The following CWC27 variants were observed in gnomAD, a reference collection of about 807,000 sequenced individuals.
CWC27 encodes CWC27 spliceosome associated cyclophilin, also known as spliceosome-associated protein CWC27 homolog.
A neutral mutation model predicts 63.6 loss-of-function variants in CWC27; 47 were observed. The ratio of observed to expected loss-of-function variants is 0.74; its 90% CI spans 0.58 to 0.94. CWC27 has a LOEUF of 0.94. CWC27 is among the 40% of genes least tolerant of loss of function. CWC27 has a pLI of 0.00. For synonymous variants in CWC27, 175 were observed against 179.8 expected (o/e 0.97, Z 0.22); for missense variants, 495 against 554.3 (o/e 0.89, Z 1.07).
chr5:65,005,657 A>G (rs2112469856), intron 13 of CWC27, among the ~76,000 whole-genome samples: 1 of 152,296 alleles, frequency 6.6e-6, no homozygotes, highest in African/African-American at 2.4e-5. Flanking sequence ...TGGACAACAC[A>G]CACTAGCACT....
chr5:64,900,290 T>G (rs189441637), intron 11 of CWC27, among the ~76,000 whole-genome samples: 13 of 152,352 alleles, frequency 8.5e-5, no homozygotes, highest in Admixed American at 8.5e-4. Context: ...TTTGTGGTTT[T>G]GATTTACATT....
intron 11 of CWC27, among the ~76,000 whole-genome samples, chr5:64,915,106 T>C (rs1022539917): frequency 7.2e-5 from 11 of 152,198 alleles, no homozygotes; most frequent in African/African-American, 2.7e-4. Flanking sequence ...TTAGTATTAC[T>C]AGGCACATAT....
At chr5:64,868,059 T>C (rs1177359857) in intron 10 of CWC27, among the ~76,000 whole-genome samples, 1 of 151,974 alleles carries the variant, frequency 6.6e-6, no homozygotes, top group African/African-American at 2.4e-5. Flanking sequence ...TCTGAATAAA[T>C]GTAAAATCAG....
chr5:64,788,387 GT>G (rs1743956845), intron 6 of CWC27, among the ~76,000 whole-genome samples: 1 of 151,500 alleles, frequency 6.6e-6, no homozygotes, highest in African/African-American at 2.4e-5. Context: ...TTAGTAACTT[GT>G]TTATCTTACT....
chr5:64,859,951 A>G (rs1265514415), intron 10 of CWC27, among the ~76,000 whole-genome samples: 1 of 152,212 alleles, frequency 6.6e-6, no homozygotes, highest in East Asian at 1.9e-4. Context: ...ATATAACAAT[A>G]GTAACAAGTG....
chr5:64,960,337 T>C (rs1748884275), intron 11 of CWC27, among the ~76,000 whole-genome samples: 2 of 152,190 alleles, frequency 1.3e-5, no homozygotes, highest in Admixed American at 6.5e-5. Context: ...ATTTAACCTT[T>C]TCCTGCTTTC....
chr5:64,885,398 A>C, intron 10 of CWC27, 45 bp from the exon 11 acceptor site: 5 of 1,284,360 alleles, frequency 3.9e-6, no homozygotes, highest in Non-Finnish European at 5.4e-6. Flanking sequence ...AACAACTTTT[A>C]CTCTCAATAT....
intron 11 of CWC27, among the ~76,000 whole-genome samples, chr5:64,955,704 G>A (rs1480989781): frequency 1.3e-5 from 2 of 151,932 alleles, no homozygotes; most frequent in African/African-American, 4.8e-5. Context: ...AATCTGGTCT[G>A]GTTGGTCTAG....
chr5:64,804,237 A>T lies in CWC27; in HGVS notation c.789A>T (p.Glu263Asp), dbSNP rs563411865. 7 of 1,604,358 alleles carry T rather than the reference A, an allele frequency of 4.4e-6. No homozygotes were observed. Among genetic ancestry groups the T allele is most frequent in the Non-Finnish European group, 6.0e-6 (7 of 1,175,110 alleles). ...ATTTTCCATTTCTACAGGATGGAGA[A>T]GATGAAAGTGCAGAGCATGATGAAT... is the stretch of plus-strand genomic sequence containing the variant. ...GDAPDLVDDG[E>D]DESAEHDEYI... The change falls in exon 10 of 14, where the codon GAA (glutamate) becomes GAT (aspartate). Residue 263 changes from glutamate (E) to aspartate (D), a missense_variant. Glu to Asp is a conservative substitution (Grantham distance 45). Coordinates refer to ENST00000381070, the MANE Select transcript of CWC27 (RefSeq NM_005869.4).
chr5:64,966,628 T>C (rs899524058), intron 11 of CWC27, among the ~76,000 whole-genome samples: 10 of 152,120 alleles, frequency 6.6e-5, no homozygotes, highest in Non-Finnish European at 1.5e-4. Flanking sequence ...ACCCAAAGTC[T>C]ATGCTCTAAA....
At chr5:65,001,626 A>G (rs1369036826) in intron 13 of CWC27, among the ~76,000 whole-genome samples, 1 of 152,016 alleles carries the variant, frequency 6.6e-6, no homozygotes, top group Non-Finnish European at 1.5e-5. Flanking sequence ...ACATTTATTG[A>G]TTTGTGTATG....
At chr5:64,933,331 A>G (rs924776126) in intron 11 of CWC27, among the ~76,000 whole-genome samples, 2 of 152,230 alleles carry the variant, frequency 1.3e-5, no homozygotes, top group East Asian at 1.9e-4. Flanking sequence ...TCCAGAAGAG[A>G]TAGTTACTTT....
At chr5:64,803,199 C>G (rs749872476) in intron 9 of CWC27, among the ~76,000 whole-genome samples, 6 of 152,134 alleles carry the variant, frequency 3.9e-5, no homozygotes, top group Non-Finnish European at 7.3e-5. Flanking sequence ...TAGGGGTCCA[C>G]AAGTCTCAAA....
chr5:64,804,750 A>G (rs1181007506), intron 10 of CWC27: 1 of 159,776 alleles, frequency 6.3e-6, no homozygotes, highest in African/African-American at 2.4e-5. Context: ...ACATCCTCAA[A>G]TAATTTCGGT....
chr5:64,835,374 A>G (rs1020812346), intron 10 of CWC27, among the ~76,000 whole-genome samples: 12 of 151,844 alleles, frequency 7.9e-5, no homozygotes, highest in African/African-American at 2.9e-4. Context: ...CTTTACATGG[A>G]TGTCCATAAA....
chr5:64,969,248 C>T (rs927406640), intron 11 of CWC27, among the ~76,000 whole-genome samples: 2 of 152,172 alleles, frequency 1.3e-5, no homozygotes, highest in African/African-American at 4.8e-5. Context: ...TTGCAAAATT[C>T]TTACCACACA....
At chr5:65,010,736 G>A (rs913094905) in intron 13 of CWC27, among the ~76,000 whole-genome samples, 33 of 152,172 alleles carry the variant, frequency 2.2e-4, no homozygotes, top group African/African-American at 7.7e-4. Context: ...AGTTTAACTG[G>A]TCCATTTGAG....
At chr5:64,931,373 A>C (rs1229536438) in intron 11 of CWC27, among the ~76,000 whole-genome samples, 1 of 151,976 alleles carries the variant, frequency 6.6e-6, no homozygotes, top group Non-Finnish European at 1.5e-5. Context: ...ATGAGTTTTT[A>C]ATATTATTCT....
intron 11 of CWC27, among the ~76,000 whole-genome samples, chr5:64,934,857 T>C (rs2112406633): frequency 6.6e-6 from 1 of 152,352 alleles, no homozygotes; most frequent in South Asian, 2.1e-4. Context: ...TGACCAGTGA[T>C]GATGAGCTTT....
Sources: gnomAD v4.1 joint callset for allele counts (sites outside exome capture counted in the v4.1 genomes callset) on GRCh38, gnomAD v4.1.1 for gene constraint, MANE v1.5 for transcripts, NCBI Gene and HGNC (gene_info 2026-07-23, HGNC 2026-07-21) for gene names.